FAM20C: variants seen among roughly 807,000 people sequenced by gnomAD.
FAM20C encodes the protein FAM20C golgi associated secretory pathway kinase, also known as extracellular serine/threonine protein kinase FAM20C.
In FAM20C, 40 loss-of-function variants were observed where a neutral mutation model predicts 51.5. The observed-to-expected ratio is 0.78, with a 90% CI of 0.60 to 1.01. The LOEUF is 1.01. Among genes scored for constraint, FAM20C ranks in the 50% least tolerant of loss-of-function variants. The pLI is 0.00. For missense variants in FAM20C, 861 were observed against 844.7 expected (o/e 1.02, Z -0.24); for synonymous variants, 406 against 380.6 (o/e 1.07, Z -0.78).
At chr7:254,955 C>T (rs1788534685) in intron 5 of FAM20C, among the ~76,000 whole-genome samples, 2 of 152,236 alleles carry the variant, frequency 1.3e-5, no homozygotes, top group African/African-American at 4.8e-5. Context: ...TGTCATCGCA[C>T]GGATGGACCA....
At chr7:223,115 A>G (rs1787313838) in intron 3 of FAM20C, among the ~76,000 whole-genome samples, 1 of 152,072 alleles carries the variant, frequency 6.6e-6, no homozygotes, top group Non-Finnish European at 1.5e-5. Flanking sequence ...GTGTGTATGA[A>G]TGGAACCCGT....
At chr7:235,664 G>T (rs1342997282) in intron 3 of FAM20C, among the ~76,000 whole-genome samples, 1 of 152,208 alleles carries the variant, frequency 6.6e-6, no homozygotes, top group African/African-American at 2.4e-5. Flanking sequence ...TGGGGCCCGC[G>T]GCCTTGGAGT....
At chr7:236,266 C>T (rs1465503672) in intron 3 of FAM20C, among the ~76,000 whole-genome samples, 1 of 152,200 alleles carries the variant, frequency 6.6e-6, no homozygotes, top group South Asian at 2.1e-4. Flanking sequence ...TGCTGGTCTC[C>T]GCCGAGGACG....
At chr7:204,829 C>A (rs889974130) in intron 2 of FAM20C, among the ~76,000 whole-genome samples, 8 of 152,194 alleles carry the variant, frequency 5.3e-5, no homozygotes, top group Non-Finnish European at 8.8e-5. Context: ...CCCCACACTG[C>A]CGCTGTTCTC....
intron 2 of FAM20C, among the ~76,000 whole-genome samples, chr7:200,187 G>T (rs1786064939): frequency 6.6e-6 from 1 of 152,220 alleles, no homozygotes; most frequent in Non-Finnish European, 1.5e-5. Context: ...TCCTTGGAAG[G>T]CAGCGCCAGC....
chr7:250,514 G>A (rs1458325500), intron 5 of FAM20C, among the ~76,000 whole-genome samples: 1 of 152,184 alleles, frequency 6.6e-6, no homozygotes, highest in Admixed American at 6.5e-5. Flanking sequence ...CCAGTGATGG[G>A]GAACGCATTG....
rs753171820 is a variant in FAM20C at position 193,554 on chromosome 7, C to G, written c.355C>G (p.Arg119Gly). Residue 119 changes from arginine to glycine, a missense_variant, in exon 1 of 10, where the codon CGC becomes GGC. This residue lies in a region of FAM20C where 561 missense variants were observed against 499.8 expected (regional missense o/e 1.12). Coordinates refer to ENST00000313766, the MANE Select transcript of FAM20C (RefSeq NM_020223.4). Reference sequence around the variant, plus strand: ...GCCGCCCGCGGCCGAGCCGGCCGAGCGCGCCTTGCGGGGGCGGGATCCCGG... The same window carrying G: ...GCCGCCCGCGGCCGAGCCGGCCGAGGGCGCCTTGCGGGGGCGGGATCCCGG... Reference protein sequence around the residue: ...KLPPAAEPAERALRGRDPGAL... With the variant: ...KLPPAAEPAEGALRGRDPGAL... 1.3e-5 allele frequency: 20 copies of G among 1,495,620 alleles called. No individual in the cohort carries two copies. Among genetic ancestry groups the G allele is most frequent in the Middle Eastern group, 1.8e-4 (1 of 5,684 alleles). The allele number at this position is 1,495,620 out of a possible 1,614,324, so 92.6% of individuals were successfully genotyped here.
At chr7:258,795 C>T (rs967490703) in intron 9 of FAM20C, 90 bp downstream of exon 9, 45 of 1,255,148 alleles carry the variant, frequency 3.6e-5, no homozygotes, top group East Asian at 2.6e-4. Flanking sequence ...CACCCCACCC[C>T]GGCCATCACA....
At chr7:249,218 G>T (rs546561821) in intron 5 of FAM20C, among the ~76,000 whole-genome samples, 1 of 151,592 alleles carries the variant, frequency 6.6e-6, no homozygotes, top group South Asian at 2.1e-4. Flanking sequence ...TAGTAACAGG[G>T]TGGGCGGCCT....
In FAM20C at chr7:251,130, G is replaced by A. The variant is rs555577777; in HGVS notation, c.1072+2700G>A. Among the ~76,000 whole-genome samples the A allele has an allele frequency of 7.7e-5, 7 of 91,502 alleles. 1 individual carries two copies. The highest frequency in any genetic ancestry group is 3.9e-4 in the South Asian group (1 of 2,572). The allele number at this position is 91,502 out of a possible 152,430, so 60.0% of individuals were successfully genotyped here. On this transcript the variant is annotated intron_variant, in intron 5 of 9. Transcript: ENST00000313766. ...TGTGGGGGCAGGTCGTTTCCTCCCC[G>A]TTTCTAAGGTCTTACTGAGTGGCCG...
intron 3 of FAM20C, among the ~76,000 whole-genome samples, chr7:215,318 GTGGGGGGGGCAGGGCCCGTGGTGTAT>G (rs1786917221): frequency 6.5e-4 from 3 of 4,614 alleles, no homozygotes; most frequent in African/African-American, 3.6e-3. Flanking sequence ...ATGGGGCTGG[GTGGGGGGGGCAGGGCCCGTGGTGTAT>G]GGAGAGGATG....
chr7:197,074 G>A (rs79306469), intron 2 of FAM20C: 9,053 of 166,434 alleles, frequency 0.054, 317 homozygotes, highest in Non-Finnish European at 0.082. Flanking sequence ...CCCTGAGAGT[G>A]AGCATGGCCA....
intron 3 of FAM20C, chr7:228,796 G>A (rs759881747): frequency 1.5e-5 from 7 of 455,976 alleles, no homozygotes; most frequent in Non-Finnish European, 2.6e-5. Context: ...TCCTGCTGAC[G>A]GCATGAGTGG....
intron 7 of FAM20C, 83 bp from the exon 8 acceptor site, chr7:256,922 C>T (rs1003694217): frequency 8.2e-5 from 121 of 1,469,598 alleles, no homozygotes; most frequent in Admixed American, 7.9e-4. Context: ...CAGGAGGAGA[C>T]GCCGCTCTGC....
chr7:249,546 G>C (rs1405481952), intron 5 of FAM20C, among the ~76,000 whole-genome samples: 1 of 152,212 alleles, frequency 6.6e-6, no homozygotes, highest in Non-Finnish European at 1.5e-5. Flanking sequence ...TTTGAGACCA[G>C]ACTGGGCAAC....
At chr7:195,375 A>G in intron 1 of FAM20C, 179 bp from the exon 2 acceptor site, 1 of 473,930 alleles carries the variant, frequency 2.1e-6, no homozygotes. Flanking sequence ...TTGGCAGCCG[A>G]GCGGCCACAG....
intron 3 of FAM20C, among the ~76,000 whole-genome samples, chr7:219,099 G>A (rs1451899646): frequency 2.6e-5 from 4 of 152,316 alleles, no homozygotes; most frequent in South Asian, 2.1e-4. Context: ...GTCACCATGG[G>A]TGGTGGTGGT....
At chr7:246,195 C>T (rs528793840) in intron 3 of FAM20C, 5 of 505,706 alleles carry the variant, frequency 9.9e-6, no homozygotes, top group African/African-American at 6.2e-5. Context: ...GTCAGGGCCA[C>T]GGGGAGCTGG....
chr7:211,625 T>G (rs2115072969), intron 3 of FAM20C, among the ~76,000 whole-genome samples: 1 of 152,258 alleles, frequency 6.6e-6, no homozygotes, highest in South Asian at 2.1e-4. Context: ...AGGCCGAGGC[T>G]GCTGACGGAT....
Sources: gnomAD v4.1 joint callset for allele counts (sites outside exome capture counted in the v4.1 genomes callset) on GRCh38, gnomAD v4.1.1 for gene constraint, gnomAD v4.1.1 regional missense constraint, MANE v1.5 for transcripts, NCBI Gene and HGNC (gene_info 2026-07-23, HGNC 2026-07-21) for gene names.